The following LDB2 variants were observed in gnomAD, a reference collection of about 807,000 sequenced individuals.
LDB2 encodes the protein LIM domain binding 2.
A neutral mutation model predicts 44.3 loss-of-function variants in LDB2; 12 were observed. The observed-to-expected ratio is 0.27, with a 90% CI of 0.17 to 0.44. The LOEUF (loss-of-function observed/expected upper bound fraction) is 0.44. Among genes scored for constraint, LDB2 ranks in the 20% least tolerant of loss-of-function variants. The pLI, the probability that LDB2 is intolerant of heterozygous loss-of-function variation, is 1.00. For synonymous variants in LDB2, 164 were observed against 174.8 expected, an observed-to-expected ratio of 0.94 and a Z score of 0.49; for missense variants, 344 against 473.5, an observed-to-expected ratio of 0.73 and a Z score of 2.54.
chr4:16,752,290 A>G (rs1765642008), intron 2 of LDB2: 1 of 328,170 alleles, frequency 3.0e-6, no homozygotes, highest in African/African-American at 2.2e-5. Context: ...AATTACCAGC[A>G]CTTGATAAAT....
At position 16,756,842 on chromosome 4, in the gene LDB2, C is replaced by T. The variant is rs1051860122; in HGVS notation, c.235+2316G>A. Among the ~76,000 whole-genome samples the T allele has an allele frequency of 2.6e-5, 4 of 151,684 alleles. No individual in the cohort carries two copies. The East Asian group carries it at 7.7e-4, about 29-fold the overall frequency. ...ATAAAGTATTATAGACCCAAAAGGA[C>T]CCCCCTAGACACCAGCGATGGGGAG... is the stretch of plus-strand genomic sequence containing the variant. On this transcript the variant is annotated intron_variant, in intron 2 of 7. Coordinates refer to ENST00000304523, the MANE Select transcript of LDB2 (RefSeq NM_001290.5).
At chr4:16,695,571 A>G (rs1751935948) in intron 2 of LDB2, among the ~76,000 whole-genome samples, 1 of 152,224 alleles carries the variant, frequency 6.6e-6, no homozygotes, top group South Asian at 2.1e-4. Context: ...CAAAAGCACC[A>G]TCTAATCAGA....
At chr4:16,823,401 C>A (rs745401028) in intron 1 of LDB2, among the ~76,000 whole-genome samples, 24 of 152,222 alleles carry the variant, frequency 1.6e-4, no homozygotes, top group Admixed American at 7.8e-4. Context: ...AACATCTTGT[C>A]TCTGAAGTCA....
chr4:16,685,182 G>A (rs534927472), intron 2 of LDB2, among the ~76,000 whole-genome samples: 3 of 152,280 alleles, frequency 2.0e-5, no homozygotes, highest in East Asian at 1.9e-4. Flanking sequence ...GTTGATGAAA[G>A]GAAAGGATAT....
At chr4:16,599,237 A>C (rs1721899637) in intron 2 of LDB2, among the ~76,000 whole-genome samples, 1 of 152,182 alleles carries the variant, frequency 6.6e-6, no homozygotes, top group African/African-American at 2.4e-5. Flanking sequence ...AGCAGGGCTG[A>C]ATTCCTTTCT....
At chr4:16,545,770 G>A (rs778373902) in intron 5 of LDB2, among the ~76,000 whole-genome samples, 10 of 152,110 alleles carry the variant, frequency 6.6e-5, no homozygotes, top group Non-Finnish European at 1.2e-4. Flanking sequence ...TGCCCCTACC[G>A]GCTTATTCCC....
rs71649969 is a variant in LDB2, at chr4:16,608,206, C to CAAAA, written c.236-12335_236-12332dup. Among the ~76,000 whole-genome samples, 95 of 68,462 alleles carry CAAAA rather than the reference C, an allele frequency of 1.4e-3. 1 individual carries two copies. Among genetic ancestry groups the CAAAA allele is most frequent in the African/African-American group, 3.9e-3 (77 of 19,742 alleles). 44.9% of individuals were successfully genotyped at this position (68,462 alleles called of 152,430 possible). A position where few individuals can be genotyped will look rare whatever the true frequency, so the allele number is the denominator to read the frequency against. ...CTCCATACAGAAAATCACACTTCTT[C>CAAAA]AAAAAAAAAAAAAAAAAAAAAAGAC... On this transcript the variant is annotated intron_variant, in intron 2 of 7. Transcript: ENST00000304523.
intron 1 of LDB2, among the ~76,000 whole-genome samples, chr4:16,886,589 A>G (rs892392620): frequency 1.3e-5 from 2 of 152,222 alleles, no homozygotes; most frequent in Admixed American, 1.3e-4. Context: ...CTACATTAAT[A>G]ATGTACTGTT....
intron 2 of LDB2, among the ~76,000 whole-genome samples, chr4:16,608,851 G>C (rs1724730403): frequency 6.6e-6 from 1 of 152,138 alleles, no homozygotes; most frequent in African/African-American, 2.4e-5. Context: ...CACGAGTCAG[G>C]AGCAGGGCTG....
intron 1 of LDB2, among the ~76,000 whole-genome samples, chr4:16,868,802 A>T (rs566276752): frequency 1.3e-5 from 2 of 152,192 alleles, no homozygotes; most frequent in Non-Finnish European, 2.9e-5. Flanking sequence ...TCATAGGATG[A>T]TGATGACGAT....
chr4:16,542,624 G>GA (rs1235055414), intron 5 of LDB2, among the ~76,000 whole-genome samples: 1 of 152,196 alleles, frequency 6.6e-6, no homozygotes, highest in Non-Finnish European at 1.5e-5. Context: ...GAGGCCATCA[G>GA]AGGGGCCCTT....
intron 2 of LDB2, among the ~76,000 whole-genome samples, chr4:16,735,908 C>T (rs186071554): frequency 2.4e-4 from 36 of 152,202 alleles, no homozygotes; most frequent in African/African-American, 8.7e-4. Flanking sequence ...CAATGTGGTA[C>T]CCTGGATGGA....
chr4:16,680,495 G>A (rs1747548835), intron 2 of LDB2, among the ~76,000 whole-genome samples: 2 of 152,188 alleles, frequency 1.3e-5, no homozygotes, highest in South Asian at 4.1e-4. Context: ...GGTCCTTATG[G>A]TATGCAGGGA....
At chr4:16,570,617 T>G (rs1251004802) in intron 5 of LDB2, among the ~76,000 whole-genome samples, 1 of 149,318 alleles carries the variant, frequency 6.7e-6, no homozygotes, top group Non-Finnish European at 1.5e-5. Context: ...AAACAAATGA[T>G]GAGGTGTGAG....
At chr4:16,604,492 G>A (rs971642367) in intron 2 of LDB2, among the ~76,000 whole-genome samples, 4 of 148,646 alleles carry the variant, frequency 2.7e-5, no homozygotes, top group African/African-American at 9.8e-5. Context: ...TATATATATA[G>A]CAATAACTTT....
At chr4:16,628,564 T>C (rs929069204) in intron 2 of LDB2, among the ~76,000 whole-genome samples, 3 of 151,870 alleles carry the variant, frequency 2.0e-5, no homozygotes, top group African/African-American at 7.3e-5. Context: ...TCTGGTGAGT[T>C]AAATCTTTTT....
intron 5 of LDB2, among the ~76,000 whole-genome samples, chr4:16,552,078 A>C (rs1737881721): frequency 6.6e-6 from 1 of 152,150 alleles, no homozygotes; most frequent in Non-Finnish European, 1.5e-5. Flanking sequence ...TTGTGGAAAA[A>C]TAAATCTTCC....
chr4:16,571,721 G>T (rs1346257970), intron 5 of LDB2, among the ~76,000 whole-genome samples: 1 of 152,158 alleles, frequency 6.6e-6, no homozygotes, highest in African/African-American at 2.4e-5. Flanking sequence ...AGCCAACTTT[G>T]TGCCTTGCCC....
chr4:16,817,860 C>T (rs1034145367), intron 1 of LDB2, among the ~76,000 whole-genome samples: 3 of 152,070 alleles, frequency 2.0e-5, no homozygotes, highest in African/African-American at 7.2e-5. Context: ...AAACTGCTTA[C>T]TTGAACTATT....
Sources: gnomAD v4.1 joint callset for allele counts (sites outside exome capture counted in the v4.1 genomes callset) on GRCh38, gnomAD v4.1.1 for gene constraint, MANE v1.5 for transcripts, NCBI Gene and HGNC (gene_info 2026-07-23, HGNC 2026-07-21) for gene names.